NFKBIL1: variants seen among roughly 807,000 people sequenced by gnomAD.
NFKBIL1 encodes NF-kappa-B inhibitor-like protein 1.
NFKBIL1 carries 30 observed loss-of-function variants against 45.4 expected under a neutral mutation model. The ratio of observed to expected loss-of-function variants is 0.66; its 90% CI spans 0.49 to 0.90. The LOEUF (loss-of-function observed/expected upper bound fraction) is 0.90. Ranked by LOEUF, NFKBIL1 falls within the 40% of genes least tolerant of loss-of-function variation. The probability of loss-of-function intolerance (pLI) is 0.00; values close to 1 mark genes in which losing one functional copy is unlikely to be tolerated. For missense variants in NFKBIL1, 434 were observed against 513.4 expected (o/e 0.85, Z 1.49); for synonymous variants, 179 against 197.3 (o/e 0.91, Z 0.78).
Position 31,558,506 on chromosome 6 carries a change from G to A in NFKBIL1, c.1041G>A (p.Leu347=). Residue 347 remains leucine (L), a synonymous_variant, in exon 4 of 4, where the codon CTG becomes CTA. Transcript: ENST00000376148. This position sits in a 1 kb window ranked among gnomAD's most constrained non-coding sequence, Gnocchi z 7.2. ...QQVRWHPDRF[L]QRFRSQIETW... is the part of the protein sequence containing the mutation. The stretch of plus-strand genomic sequence containing the variant: ...TCCGCTGGCACCCTGACCGCTTCCT[G>A]CAGCGATTCCGAAGCCAGATTGAGA... 6.4e-7 allele frequency: 1 copy of A among 1,556,830 alleles called. No homozygotes were observed. Among genetic ancestry groups the A allele is most frequent in the Non-Finnish European group, 8.7e-7 (1 of 1,150,072 alleles).
intron 2 of NFKBIL1, among the ~76,000 whole-genome samples, chr6:31,554,167 A>T: frequency 6.6e-6 from 1 of 152,200 alleles, no homozygotes; most frequent in Non-Finnish European, 1.5e-5. Flanking sequence ...ACACTTTGGG[A>T]TGCCAAGGTA....
intron 2 of NFKBIL1, among the ~76,000 whole-genome samples, chr6:31,551,336 GA>G: frequency 6.6e-6 from 1 of 152,328 alleles, no homozygotes; most frequent in Middle Eastern, 3.4e-3. Flanking sequence ...CCATTGTATT[GA>G]ATTTTAAGAA....
chr6:31,548,057 A>G, intron 1 of NFKBIL1, 106 bp from the exon 2 acceptor site: 1 of 1,436,558 alleles, frequency 7.0e-7, no homozygotes, highest in South Asian at 1.2e-5. Context: ...TGAAGATATT[A>G]AAAAAAGACG....
chr6:31,552,258 T>C (rs1019625240), intron 2 of NFKBIL1, among the ~76,000 whole-genome samples: 14 of 106,068 alleles, frequency 1.3e-4, no homozygotes, highest in Admixed American at 3.6e-4. Context: ...GGTTTTGTTT[T>C]TGTTTTCTGT....
chr6:31,555,408 T>TATATATAATATAAAATATAATTA (rs1554277632), intron 2 of NFKBIL1, among the ~76,000 whole-genome samples: 1 of 150,724 alleles, frequency 6.6e-6, no homozygotes. Flanking sequence ...TGGCTAATTT[T>TATATATAATATAAAATATAATTA]TGTATTTTTA....
chr6:31,558,021 G>A lies in NFKBIL1; in HGVS notation c.557-1G>A. The A allele has an allele frequency of 6.8e-6, 6 of 885,402 alleles. No individual in the cohort carries two copies. The highest frequency in any genetic ancestry group is 5.1e-6 in the Non-Finnish European group (3 of 584,960). 54.8% of individuals were successfully genotyped at this position (885,402 alleles called of 1,614,324 possible). A position where few individuals can be genotyped will look rare whatever the true frequency, so the allele number is the denominator to read the frequency against. ...TACCCCCATCCCACCCTCCCAAACA[G>A]GTGATGCCTCCCATGAAACCCAGGA... On this transcript the variant is annotated splice_acceptor_variant, in intron 3 of 3. Coordinates refer to ENST00000376148, the MANE Select transcript of NFKBIL1 (RefSeq NM_005007.4). LOFTEE classifies it high-confidence loss of function. This position sits in a 1 kb window ranked among gnomAD's most constrained non-coding sequence, Gnocchi z 7.2.
At chr6:31,554,134 C>T (rs1769586687) in intron 2 of NFKBIL1, among the ~76,000 whole-genome samples, 1 of 152,082 alleles carries the variant, frequency 6.6e-6, no homozygotes, top group Admixed American at 6.5e-5. Flanking sequence ...AGGCCGGGTG[C>T]GATAGCTCAC....
chr6:31,557,201 G>A lies in NFKBIL1; in HGVS notation c.335-427G>A, dbSNP rs1239244804. On this transcript the variant is annotated intron_variant, in intron 2 of 3. Coordinates refer to ENST00000376148, the MANE Select transcript of NFKBIL1 (RefSeq NM_005007.4). This position sits in a 1 kb window ranked among gnomAD's most constrained non-coding sequence, Gnocchi z 5.4. ...CGGCTTACTACAAGCTCCACCTCCCGGGTTCACATCATTCTCCTGCCTCAG... is the reference window on the plus strand; with the variant it reads ...CGGCTTACTACAAGCTCCACCTCCCAGGTTCACATCATTCTCCTGCCTCAG... Among the ~76,000 whole-genome samples, 3 of 151,188 alleles carry A rather than the reference G, an allele frequency of 2.0e-5. No individual in the cohort carries two copies. Among genetic ancestry groups the A allele is most frequent in the Admixed American group, 2.0e-4 (3 of 15,166 alleles).
At chr6:31,548,078 G>A (rs1276155977) in intron 1 of NFKBIL1, 85 bp from the exon 2 acceptor site, 29 of 1,559,532 alleles carry the variant, frequency 1.9e-5, no homozygotes, top group Non-Finnish European at 2.5e-5. Context: ...GAACCAAAGG[G>A]AGAAACAACA....
intron 2 of NFKBIL1, among the ~76,000 whole-genome samples, chr6:31,550,196 G>A (rs555347096): frequency 4.1e-5 from 6 of 146,610 alleles, no homozygotes; most frequent in South Asian, 4.5e-4. Context: ...GCAAGACTCC[G>A]TCTCAAAAAA....
rs771693704 is a variant in NFKBIL1, at chr6:31,558,191, G to A, written c.726G>A (p.Glu242=). The A allele has an allele frequency of 1.9e-6, 3 of 1,607,486 alleles. No individual in the cohort carries two copies. The highest frequency in any genetic ancestry group is 3.4e-5 in the Admixed American group (2 of 58,944). ...AGAGCTGGCGACAGCAGGAGGAGGA[G>A]CAGCGGCTCTTCAGGGAGCGAGCCC... ...SSQSWRQQEE[E]QRLFRERARA... Residue 242 remains glutamate, a synonymous_variant, in exon 4 of 4, where the codon GAG becomes GAA. Coordinates refer to ENST00000376148, the MANE Select transcript of NFKBIL1 (RefSeq NM_005007.4). This position sits in a 1 kb window ranked among gnomAD's most constrained non-coding sequence, Gnocchi z 7.2.
rs143287217 is a variant in NFKBIL1, at chr6:31,554,839, T to C, written c.335-2789T>C. 7.2e-5 allele frequency among the ~76,000 whole-genome samples: 11 copies of C among 152,316 alleles called. No homozygotes were observed. The East Asian group carries it at 1.9e-3, about 27-fold the overall frequency. On this transcript the variant is annotated intron_variant, in intron 2 of 3. Transcript: ENST00000376148. The stretch of plus-strand genomic sequence containing the variant: ...TTTTTTGAAACAAAGTCTATCGATA[T>C]TGGGGTAAGGAGATTTGTTTTGTAC...
Position 31,558,440 on chromosome 6 carries a change from G to A in NFKBIL1, c.975G>A (p.Glu325=). The A allele has an allele frequency of 1.3e-6, 2 of 1,551,154 alleles. No individual in the cohort carries two copies. The highest frequency in any genetic ancestry group is 1.7e-6 in the Non-Finnish European group (2 of 1,147,224). ...AALVARGPPL[E]EQGALRRYLR... is the part of the protein sequence containing the mutation. ...TGGTGGCCAGGGGCCCCCCTTTGGA[G>A]GAACAGGGGGCTCTGAGGAGGTACT... The change falls in exon 4 of 4, where the codon GAG becomes GAA. Residue 325 remains glutamate, a synonymous_variant. Transcript: ENST00000376148. This position sits in a 1 kb window ranked among gnomAD's most constrained non-coding sequence, Gnocchi z 7.2.
intron 2 of NFKBIL1, among the ~76,000 whole-genome samples, chr6:31,548,643 C>T (rs1030337816): frequency 7.2e-5 from 11 of 152,310 alleles, no homozygotes; most frequent in African/African-American, 2.6e-4. Flanking sequence ...CAAAGATCAA[C>T]TGGTCTTCAA....
At position 31,558,564 on chromosome 6, in the gene NFKBIL1, A is replaced by G; in HGVS notation, c.1099A>G (p.Thr367Ala). The change falls in exon 4 of 4, where the codon ACA (threonine) becomes GCA (alanine). Residue 367 changes from threonine (T) to alanine (A), a missense_variant. Thr to Ala is a moderately conservative substitution (Grantham distance 58). This residue lies in a region of NFKBIL1 where 52 missense variants were observed against 95.9 expected (regional missense o/e 0.54). Transcript: ENST00000376148. This position sits in a 1 kb window ranked among gnomAD's most constrained non-coding sequence, Gnocchi z 7.2. The part of the protein sequence containing the change: ...WELGRVMGAV[T>A]ALSQALNRHA... ...GCTGGGCCGTGTGATGGGAGCAGTG[A>G]CAGCCCTTTCTCAGGCCCTGAATCG... The G allele has an allele frequency of 6.4e-7, 1 of 1,564,300 alleles. No homozygotes were observed. The highest frequency in any genetic ancestry group is 8.7e-7 in the Non-Finnish European group (1 of 1,154,136).
chr6:31,547,661 T>C lies in NFKBIL1; in HGVS notation c.-34T>C, dbSNP rs1769138025. On this transcript the variant is annotated 5_prime_UTR_variant, in exon 1 of 4. Coordinates refer to ENST00000376148, the MANE Select transcript of NFKBIL1 (RefSeq NM_005007.4). ...TAAACACAGGCCTTGGGCCTACGGCTCTGGGGGTACTTGGGGGGGCGGGGG... is the reference window on the plus strand; with the variant it reads ...TAAACACAGGCCTTGGGCCTACGGCCCTGGGGGTACTTGGGGGGGCGGGGG... 3 of 1,551,938 alleles carry C rather than the reference T, an allele frequency of 1.9e-6. No individual in the cohort carries two copies. The highest frequency in any genetic ancestry group is 2.7e-6 in the Non-Finnish European group (3 of 1,128,572).
At position 31,548,403 on chromosome 6, in the gene NFKBIL1, A is replaced by T; in HGVS notation, c.298A>T (p.Thr100Ser). ...DPAHQDRHGDTALHAAARQGP... is the reference protein window; with the variant it reads ...DPAHQDRHGDSALHAAARQGP... ...TGCCCACCAGGACCGCCATGGGGAC[A>T]CGGCACTGCATGCTGCTGCCCGCCA... The change falls in exon 2 of 4, where the codon ACG becomes TCG. Residue 100 changes from threonine (T) to serine (S), a missense_variant. By Grantham distance (58) the Thr-to-Ser change is moderately conservative. Around this residue, in one of 4 missense-constraint regions of NFKBIL1, gnomAD observed 231 missense variants for 264.1 expected, o/e 0.87. Transcript: ENST00000376148. The T allele has an allele frequency of 6.5e-7, 1 of 1,535,680 alleles. No homozygotes were observed. Among genetic ancestry groups the T allele is most frequent in the Non-Finnish European group, 8.7e-7 (1 of 1,146,016 alleles).
chr6:31,557,935 C>T lies in NFKBIL1; in HGVS notation c.556+86C>T, dbSNP rs531844030. On this transcript the variant is annotated intron_variant, in intron 3 of 3. Coordinates refer to ENST00000376148, the MANE Select transcript of NFKBIL1 (RefSeq NM_005007.4). This position sits in a 1 kb window ranked among gnomAD's most constrained non-coding sequence, Gnocchi z 5.4. ...AATGCGTCACACTAGGCTCCTCTGC[C>T]CCCTCCTCTGTGCTTCCCTGCTTCT... The T allele has an allele frequency of 6.0e-5, 90 of 1,495,756 alleles. No individual in the cohort carries two copies. The South Asian group carries it at 1.1e-3, about 19-fold the overall frequency. 92.7% of individuals were successfully genotyped at this position (1,495,756 alleles called of 1,614,324 possible). A position where few individuals can be genotyped will look rare whatever the true frequency, so the allele number is the denominator to read the frequency against.
chr6:31,557,346 G>A lies in NFKBIL1; in HGVS notation c.335-282G>A, dbSNP rs1279577659. ...GATGGTCTTGATCTCCTGACCTCGTGATCCGCCCGCCTCGGACTCCCAAAG... is the reference window on the plus strand; with the variant it reads ...GATGGTCTTGATCTCCTGACCTCGTAATCCGCCCGCCTCGGACTCCCAAAG... On this transcript the variant is annotated intron_variant, in intron 2 of 3. Coordinates refer to ENST00000376148, the MANE Select transcript of NFKBIL1 (RefSeq NM_005007.4). The surrounding 1 kb of genome is among the most constrained non-coding windows in gnomAD (Gnocchi z 5.4). Among the ~76,000 whole-genome samples, 2 of 152,148 alleles carry A rather than the reference G, an allele frequency of 1.3e-5. No homozygotes were observed. The highest frequency in any genetic ancestry group is 2.9e-5 in the Non-Finnish European group (2 of 68,026).
Sources: gnomAD v4.1 joint callset for allele counts (sites outside exome capture counted in the v4.1 genomes callset) on GRCh38, gnomAD v4.1.1 for gene constraint, gnomAD v4.1.1 regional missense constraint, Gnocchi (gnomAD v3.1) non-coding constraint, MANE v1.5 for transcripts, NCBI Gene and HGNC (gene_info 2026-07-23, HGNC 2026-07-21) for gene names.